CAPZA2: variants seen among roughly 807,000 people sequenced by gnomAD.
CAPZA2 encodes F-actin-capping protein subunit alpha-2.
A neutral mutation model predicts 44.0 loss-of-function variants in CAPZA2; 13 were observed. That is an observed-to-expected ratio of 0.30 (90% CI 0.19 to 0.47). CAPZA2 has a LOEUF of 0.47. CAPZA2 is among the 20% of genes least tolerant of loss of function. The pLI, the probability that CAPZA2 is intolerant of heterozygous loss-of-function variation, is 1.00. For synonymous variants in CAPZA2, 94 were observed against 108.2 expected, an observed-to-expected ratio of 0.87 and a Z score of 0.81; for missense variants, 244 against 338.6, an observed-to-expected ratio of 0.72 and a Z score of 2.19.
chr7:116,920,895 T>G lies in CAPZA2; in HGVS notation c.*3028T>G, dbSNP rs901136241. The G allele has an allele frequency of 2.6e-5, 4 of 152,188 alleles. No homozygotes were observed. Among genetic ancestry groups the G allele is most frequent in the Non-Finnish European group, 5.9e-5 (4 of 68,098 alleles). The allele number at this position is 152,188 out of a possible 1,614,324, so 9.4% of individuals were successfully genotyped here. A position where few individuals can be genotyped will look rare whatever the true frequency, so the allele number is the denominator to read the frequency against. Reference sequence around the variant, plus strand: ...GGGTGCAGGCATAGAGTAGATGAAATAAATTTCACCAGGGCTGTGGTTTTG... The same window carrying G: ...GGGTGCAGGCATAGAGTAGATGAAAGAAATTTCACCAGGGCTGTGGTTTTG... On this transcript the variant is annotated 3_prime_UTR_variant, in exon 10 of 10. Coordinates refer to ENST00000361183, the MANE Select transcript of CAPZA2 (RefSeq NM_006136.3).
At chr7:116,862,939 G>A (rs1381700224) in intron 1 of CAPZA2, among the ~76,000 whole-genome samples, 1 of 152,090 alleles carries the variant, frequency 6.6e-6, no homozygotes, top group Non-Finnish European at 1.5e-5. Flanking sequence ...GCGGGCGCGG[G>A]GGAGGGCGGC....
At chr7:116,882,345 G>C (rs1055315573) in intron 1 of CAPZA2, among the ~76,000 whole-genome samples, 2 of 151,994 alleles carry the variant, frequency 1.3e-5, no homozygotes, top group Non-Finnish European at 2.9e-5. Flanking sequence ...TATGATGAAG[G>C]GCTTTTCATT....
chr7:116,915,643 AT>A (rs533172083), intron 8 of CAPZA2: 14,729 of 138,904 alleles, frequency 0.11, 2,039 homozygotes, highest in African/African-American at 0.33. Context: ...CTGATTAGTG[AT>A]TTTTTTTTTT....
chr7:116,915,982 A>G (rs1217528480), intron 8 of CAPZA2, 78 bp from the exon 9 acceptor site: 2 of 963,146 alleles, frequency 2.1e-6, no homozygotes, highest in East Asian at 6.0e-5. Flanking sequence ...ATAACATTAC[A>G]TTAACCATAC....
At chr7:116,911,872 A>G (rs1476237458) in intron 7 of CAPZA2, among the ~76,000 whole-genome samples, 197 bp from the exon 8 acceptor site, 2 of 151,750 alleles carry the variant, frequency 1.3e-5, no homozygotes, top group Admixed American at 1.3e-4. Context: ...GAATAACTAC[A>G]GGAATATCTC....
chr7:116,878,815 T>TG (rs1796652881), intron 1 of CAPZA2, among the ~76,000 whole-genome samples: 1 of 152,128 alleles, frequency 6.6e-6, no homozygotes, highest in Admixed American at 6.6e-5. Flanking sequence ...CTTGAAAATG[T>TG]CTGTATTCCA....
intron 1 of CAPZA2, among the ~76,000 whole-genome samples, chr7:116,883,472 C>T (rs1562958690): frequency 6.6e-6 from 1 of 152,168 alleles, no homozygotes. Flanking sequence ...CCTGAGAAAT[C>T]CAAAGGTCAG....
intron 1 of CAPZA2, among the ~76,000 whole-genome samples, chr7:116,869,060 T>C (rs1208561466): frequency 2.6e-5 from 4 of 152,244 alleles, no homozygotes; most frequent in Admixed American, 2.6e-4. Flanking sequence ...GAATCTAAAA[T>C]AATTTTTAAG....
At chr7:116,865,240 C>T (rs899434645) in intron 1 of CAPZA2, among the ~76,000 whole-genome samples, 2 of 129,228 alleles carry the variant, frequency 1.5e-5, no homozygotes, top group African/African-American at 3.1e-5. Context: ...GGCTGGAGTG[C>T]AGTGGTGCAA....
chr7:116,901,672 G>C (rs1487037461), intron 4 of CAPZA2, among the ~76,000 whole-genome samples: 1 of 152,008 alleles, frequency 6.6e-6, no homozygotes, highest in Non-Finnish European at 1.5e-5. Context: ...AAAGAAAATA[G>C]TGATACTCTT....
At chr7:116,869,457 A>G (rs1337019001) in intron 1 of CAPZA2, among the ~76,000 whole-genome samples, 1 of 152,180 alleles carries the variant, frequency 6.6e-6, no homozygotes, top group Non-Finnish European at 1.5e-5. Context: ...ATCTTCATTC[A>G]TTTACTAAAT....
chr7:116,898,921 T>TA (rs1471547472), intron 4 of CAPZA2, 86 bp downstream of exon 4: 12 of 757,234 alleles, frequency 1.6e-5, no homozygotes, highest in Non-Finnish European at 2.2e-5. Flanking sequence ...TGCTGCAAGA[T>TA]AAAAAATTAT....
chr7:116,900,956 A>G (rs1260543153), intron 4 of CAPZA2, among the ~76,000 whole-genome samples: 2 of 152,168 alleles, frequency 1.3e-5, no homozygotes, highest in African/African-American at 4.8e-5. Context: ...CAGAACCACA[A>G]TGAGATACCA....
chr7:116,868,386 G>A (rs1427334606), intron 1 of CAPZA2, among the ~76,000 whole-genome samples: 1 of 152,158 alleles, frequency 6.6e-6, no homozygotes, highest in South Asian at 2.1e-4. Context: ...TTTTGTGTGT[G>A]TAAAAACAAT....
intron 7 of CAPZA2, among the ~76,000 whole-genome samples, chr7:116,911,182 G>A (rs1270175479): frequency 1.3e-5 from 2 of 152,208 alleles, no homozygotes; most frequent in Admixed American, 6.5e-5. Flanking sequence ...GGTGCCCCTT[G>A]TAGGACCAAA....
At position 116,921,801 on chromosome 7, in the gene CAPZA2, G is replaced by T. The variant is rs1791773565; in HGVS notation, c.*3934G>T. ...TGACCAACGGAGTGACTGGCTGAGG[G>T]GAGAGAGGAGAGGACTTAAGCAACT... On this transcript the variant is annotated 3_prime_UTR_variant, in exon 10 of 10. Coordinates refer to ENST00000361183, the MANE Select transcript of CAPZA2 (RefSeq NM_006136.3). 1 of 152,220 alleles carries T rather than the reference G, an allele frequency of 6.6e-6. No homozygotes were observed. The highest frequency in any genetic ancestry group is 1.5e-5 in the Non-Finnish European group (1 of 68,068). The allele number at this position is 152,220 out of a possible 1,614,324, so 9.4% of individuals were successfully genotyped here. A position where few individuals can be genotyped will look rare whatever the true frequency, so the allele number is the denominator to read the frequency against.
intron 1 of CAPZA2, among the ~76,000 whole-genome samples, chr7:116,881,555 C>T (rs970939528): frequency 2.6e-5 from 4 of 151,718 alleles, no homozygotes; most frequent in African/African-American, 4.8e-5. Flanking sequence ...CTGGCTAACA[C>T]GGTGAAACCC....
At chr7:116,881,027 A>G (rs1306832666) in intron 1 of CAPZA2, among the ~76,000 whole-genome samples, 1 of 151,976 alleles carries the variant, frequency 6.6e-6, no homozygotes, top group East Asian at 1.9e-4. Context: ...CTTTAAAGTC[A>G]GTTGGTGAGG....
At chr7:116,881,654 G>A (rs1021220435) in intron 1 of CAPZA2, among the ~76,000 whole-genome samples, 18 of 148,400 alleles carry the variant, frequency 1.2e-4, no homozygotes, top group African/African-American at 3.7e-4. Context: ...CAGGAGAATG[G>A]CATGAACCCG....
Sources: gnomAD v4.1 joint callset for allele counts (sites outside exome capture counted in the v4.1 genomes callset) on GRCh38, gnomAD v4.1.1 for gene constraint, MANE v1.5 for transcripts, NCBI Gene and HGNC (gene_info 2026-07-23, HGNC 2026-07-21) for gene names.